The following AGBL4 variants were observed in gnomAD, a reference collection of about 807,000 sequenced individuals.
The protein encoded by AGBL4 is cytosolic carboxypeptidase 6.
A neutral mutation model predicts 66.4 loss-of-function variants in AGBL4; 58 were observed. The ratio of observed to expected loss-of-function variants is 0.87; its 90% CI spans 0.71 to 1.09. The LOEUF is 1.09. Ranked by LOEUF, AGBL4 falls within the 50% of genes least tolerant of loss-of-function variation. The probability of loss-of-function intolerance (pLI) is 0.00; values close to 1 mark genes in which losing one functional copy is unlikely to be tolerated. For synonymous variants in AGBL4, 234 were observed against 222.9 expected (o/e 1.05, Z -0.44); for missense variants, 579 against 631.0 (o/e 0.92, Z 0.88).
intron 4 of AGBL4, among the ~76,000 whole-genome samples, chr1:49,153,716 T>C (rs1438957867): frequency 1.3e-5 from 2 of 151,776 alleles, no homozygotes; most frequent in Non-Finnish European, 1.5e-5. Context: ...CCTAAACTCT[T>C]TCTGGGCCTT....
intron 8 of AGBL4, among the ~76,000 whole-genome samples, chr1:48,646,621 A>G (rs1645841326): frequency 6.7e-6 from 1 of 150,370 alleles, no homozygotes; most frequent in African/African-American, 2.4e-5. Context: ...TTTGTTGTGT[A>G]AATCTCTACC....
At chr1:48,687,534 C>T (rs1344795799) in intron 6 of AGBL4, among the ~76,000 whole-genome samples, 1 of 152,174 alleles carries the variant, frequency 6.6e-6, no homozygotes, top group African/African-American at 2.4e-5. Context: ...GAGAGGCCAT[C>T]CATGCAAATG....
chr1:48,913,933 T>C (rs2148884520), intron 5 of AGBL4, among the ~76,000 whole-genome samples: 1 of 152,208 alleles, frequency 6.6e-6, no homozygotes, highest in South Asian at 2.1e-4. Context: ...GTTTCGAATC[T>C]GGGGAAAGAT....
At chr1:48,960,620 G>A (rs1657888501) in intron 5 of AGBL4, among the ~76,000 whole-genome samples, 1 of 152,150 alleles carries the variant, frequency 6.6e-6, no homozygotes, top group Non-Finnish European at 1.5e-5. Context: ...AGAATTAAAA[G>A]TGGTTTCTTA....
At chr1:48,846,631 T>C (rs1408281443) in intron 6 of AGBL4, among the ~76,000 whole-genome samples, 3 of 152,208 alleles carry the variant, frequency 2.0e-5, no homozygotes, top group Non-Finnish European at 2.9e-5. Flanking sequence ...AGTTACTTCA[T>C]ATCCAAAGTG....
At chr1:49,709,499 A>G (rs181831612) in intron 2 of AGBL4, among the ~76,000 whole-genome samples, 3 of 152,354 alleles carry the variant, frequency 2.0e-5, no homozygotes, top group African/African-American at 7.2e-5. Context: ...CATTCAGGAC[A>G]TAGACATGGG....
intron 1 of AGBL4, among the ~76,000 whole-genome samples, chr1:49,920,229 A>C (rs996516498): frequency 3.3e-5 from 5 of 152,226 alleles, no homozygotes; most frequent in African/African-American, 9.6e-5. Context: ...AAAAGCCAAA[A>C]TTGACAAATG....
chr1:49,273,820 C>A (rs1248928566), intron 3 of AGBL4, among the ~76,000 whole-genome samples: 1 of 152,068 alleles, frequency 6.6e-6, no homozygotes, highest in African/African-American at 2.4e-5. Context: ...GGACTACAGG[C>A]ACGTGCCACC....
At chr1:49,331,625 C>T (rs1645336126) in intron 3 of AGBL4, among the ~76,000 whole-genome samples, 1 of 152,184 alleles carries the variant, frequency 6.6e-6, no homozygotes, top group Non-Finnish European at 1.5e-5. Flanking sequence ...GCCACCCGGC[C>T]TGTATTCTAG....
chr1:49,990,323 G>A (rs1419542318), intron 1 of AGBL4, among the ~76,000 whole-genome samples: 2 of 152,146 alleles, frequency 1.3e-5, no homozygotes, highest in South Asian at 2.1e-4. Flanking sequence ...ATTGAATCAT[G>A]TGGGTGGTTT....
At chr1:49,943,493 G>T (rs1319276235) in intron 1 of AGBL4, among the ~76,000 whole-genome samples, 2 of 152,092 alleles carry the variant, frequency 1.3e-5, no homozygotes, top group Non-Finnish European at 2.9e-5. Flanking sequence ...GGGATCATCC[G>T]CCCCTGAACA....
the AGBL4 span, among the ~76,000 whole-genome samples, chr1:48,522,628 A>G: frequency 6.6e-6 from 1 of 152,174 alleles, no homozygotes; most frequent in African/African-American, 2.4e-5. Flanking sequence ...CATCTCTTGT[A>G]TGCAAGGTTC....
intron 5 of AGBL4, among the ~76,000 whole-genome samples, chr1:48,973,531 A>G (rs944551677): frequency 6.6e-6 from 1 of 152,158 alleles, no homozygotes; most frequent in Non-Finnish European, 1.5e-5. Context: ...CTTTGTCTCA[A>G]GAAATAGAAC....
intron 3 of AGBL4, among the ~76,000 whole-genome samples, chr1:49,663,934 G>A (rs1197980543): frequency 6.6e-6 from 1 of 151,870 alleles, no homozygotes; most frequent in Non-Finnish European, 1.5e-5. Flanking sequence ...CAACAGAGAG[G>A]ATATGATATT....
intron 3 of AGBL4, among the ~76,000 whole-genome samples, chr1:49,599,235 G>A (rs1254642069): frequency 6.6e-6 from 1 of 152,090 alleles, no homozygotes; most frequent in Admixed American, 6.6e-5. Context: ...TCTGGTCCTG[G>A]ACTTTTTTTG....
At chr1:48,586,734 G>T in intron 11 of AGBL4, 1 of 411,108 alleles carries the variant, frequency 2.4e-6, no homozygotes. Context: ...AGAGAGGGGA[G>T]AGAGATGGAA....
At chr1:48,823,483 CCTT>C (rs933235150) in intron 6 of AGBL4, among the ~76,000 whole-genome samples, 35 of 152,204 alleles carry the variant, frequency 2.3e-4, no homozygotes, top group African/African-American at 8.4e-4. Flanking sequence ...CTGATTCTCT[CCTT>C]CTTCTTTTCC....
At chr1:48,982,015 A>G (rs923624265) in intron 5 of AGBL4, among the ~76,000 whole-genome samples, 1 of 152,172 alleles carries the variant, frequency 6.6e-6, no homozygotes, top group Non-Finnish European at 1.5e-5. Flanking sequence ...AAGCATGACA[A>G]AGAGCTCACT....
chr1:49,530,273 C>CAAAAAAAA lies in AGBL4; in HGVS notation c.282+167032_282+167039dup, dbSNP rs1171374859. Among the ~76,000 whole-genome samples the CAAAAAAAA allele has an allele frequency of 1.6e-3, 176 of 111,944 alleles. 10 individuals carry two copies. The highest frequency in any genetic ancestry group is 6.0e-3 in the African/African-American group (165 of 27,728). The allele number at this position is 111,944 out of a possible 152,430, so 73.4% of individuals were successfully genotyped here. On this transcript the variant is annotated intron_variant, in intron 3 of 13. Coordinates refer to ENST00000371839, the MANE Select transcript of AGBL4 (RefSeq NM_032785.4). ...AGTAGAATTTGTAAAAAAAAAAAAACAAAAAAAAACTCTATGAGTTTTTTT... is the reference window on the plus strand; with the variant it reads ...AGTAGAATTTGTAAAAAAAAAAAAACAAAAAAAAAAAAAAAAACTCTATGAGTTTTTTT...
Sources: allele counts gnomAD v4.1 joint callset (sites outside exome capture counted in the v4.1 genomes callset), GRCh38; gene constraint gnomAD v4.1.1; transcripts MANE v1.5; gene names NCBI Gene and HGNC (gene_info 2026-07-23, HGNC 2026-07-21).